CPN1: variants seen among roughly 807,000 people sequenced by gnomAD.
CPN1 encodes the protein carboxypeptidase N catalytic chain.
A neutral mutation model predicts 46.4 loss-of-function variants in CPN1; 37 were observed. The ratio of observed to expected loss-of-function variants is 0.80; its 90% confidence interval spans 0.61 to 1.05. The LOEUF is 1.05. Among genes scored for constraint, CPN1 ranks in the 50% least tolerant of loss-of-function variants. The pLI is 0.00. For synonymous variants in CPN1, 224 were observed against 235.4 expected (o/e 0.95, Z 0.44); for missense variants, 563 against 602.6 (o/e 0.93, Z 0.69).
intron 8 of CPN1, among the ~76,000 whole-genome samples, chr10:100,044,884 T>G (rs1350847270): frequency 6.6e-6 from 1 of 151,764 alleles, no homozygotes; most frequent in Non-Finnish European, 1.5e-5. Flanking sequence ...CTAATTTTTG[T>G]ATTTTGAGTA....
At chr10:100,075,842 C>G (rs2041510065) in intron 2 of CPN1, 69 bp downstream of exon 2, 1 of 1,470,290 alleles carries the variant, frequency 6.8e-7, no homozygotes, top group Middle Eastern at 2.3e-4. Flanking sequence ...GAGAGGGAAT[C>G]TTGTCCACTG....
At chr10:100,056,013 C>T (rs1408166260) in intron 6 of CPN1, among the ~76,000 whole-genome samples, 1 of 152,128 alleles carries the variant, frequency 6.6e-6, no homozygotes, top group East Asian at 1.9e-4. Context: ...AATATATACC[C>T]AAAAGTGGCA....
chr10:100,051,566 C>T (rs1269009570), intron 7 of CPN1, among the ~76,000 whole-genome samples: 2 of 151,484 alleles, frequency 1.3e-5, no homozygotes, highest in South Asian at 2.1e-4. Context: ...CTTGCTCTGT[C>T]GCCCAGGCTG....
At chr10:100,072,140 A>G (rs895539411) in intron 2 of CPN1, among the ~76,000 whole-genome samples, 2 of 152,142 alleles carry the variant, frequency 1.3e-5, no homozygotes, top group African/African-American at 4.8e-5. Context: ...CTGCCGAGTC[A>G]TAAGCTAAGT....
chr10:100,050,275 C>T (rs1256145027), intron 7 of CPN1, among the ~76,000 whole-genome samples: 3 of 152,034 alleles, frequency 2.0e-5, no homozygotes, highest in Non-Finnish European at 4.4e-5. Context: ...AATTGCTGGA[C>T]CGTGAGAGGT....
At chr10:100,045,276 T>A (rs368066791) in intron 8 of CPN1, among the ~76,000 whole-genome samples, 1 of 152,194 alleles carries the variant, frequency 6.6e-6, no homozygotes. Flanking sequence ...TTGTTTGAAT[T>A]TGGCGTTGAA....
At chr10:100,051,447 T>C (rs764227609) in intron 7 of CPN1, among the ~76,000 whole-genome samples, 49 of 152,160 alleles carry the variant, frequency 3.2e-4, no homozygotes, top group Non-Finnish European at 8.8e-5. Context: ...TTCAGCTAGC[T>C]TTCTCTCTCA....
chr10:100,063,745 AAAACGACC>A lies in CPN1; in HGVS notation c.760-28_760-21del, dbSNP rs1303048865. 1 of 1,586,466 alleles carries A rather than the reference AAAACGACC, an allele frequency of 6.3e-7. No individual in the cohort carries two copies. Among genetic ancestry groups the A allele is most frequent in the Non-Finnish European group, 8.7e-7 (1 of 1,155,104 alleles). Reference sequence around the variant, plus strand: ...GGCCAGCTAGAGGAAAAGCAGGAGGAAAACGACCTTGATGATTCCCAACTCAAATGGCA... The same window carrying A: ...GGCCAGCTAGAGGAAAAGCAGGAGGATTGATGATTCCCAACTCAAATGGCA... On this transcript the variant is annotated intron_variant, in intron 4 of 8. Coordinates refer to ENST00000370418, the MANE Select transcript of CPN1 (RefSeq NM_001308.3).
At chr10:100,069,996 TA>T (rs959229317) in intron 2 of CPN1, 127 bp from the exon 3 acceptor site, 8 of 1,041,546 alleles carry the variant, frequency 7.7e-6, no homozygotes, top group Admixed American at 6.0e-5. Flanking sequence ...AATCTTGGCT[TA>T]CTGCAACCTC....
intron 8 of CPN1, among the ~76,000 whole-genome samples, chr10:100,047,928 G>A (rs1393439854): frequency 6.6e-6 from 1 of 152,118 alleles, no homozygotes; most frequent in Non-Finnish European, 1.5e-5. Context: ...GGAGGCGGGT[G>A]TTGCGGTGAG....
In CPN1 at chr10:100,069,718, C is replaced by T. The variant is rs769358427; in HGVS notation, c.572G>A (p.Ser191Asn). 6.2e-7 allele frequency: 1 copy of T among 1,613,934 alleles called. No individual in the cohort carries two copies. The highest frequency in any genetic ancestry group is 8.5e-7 in the Non-Finnish European group (1 of 1,180,002). The change falls in exon 3 of 9, where the codon AGT becomes AAT. Residue 191 changes from serine to asparagine, a missense_variant. Coordinates refer to ENST00000370418, the MANE Select transcript of CPN1 (RefSeq NM_001308.3). Reference protein sequence around the residue: ...HHLPLPDNWKSQVEPETRAVI... With the variant: ...HHLPLPDNWKNQVEPETRAVI... ...TTTGCAAATTTCATCTCCTACCTGA[C>T]TTTTCCAGTTGTCTGGAAGGGGCAG...
At position 100,073,801 on chromosome 10, in the gene CPN1, G is replaced by C. The variant is rs568173325; in HGVS notation, c.420+2110C>G. ...TGGCTAATTTTGTATTTTTAGTAGA[G>C]ACAGGGTTTCTCCATGTTGGTCAGG... On this transcript the variant is annotated intron_variant, in intron 2 of 8. Coordinates refer to ENST00000370418, the MANE Select transcript of CPN1 (RefSeq NM_001308.3). 2.0e-5 allele frequency among the ~76,000 whole-genome samples: 3 copies of C among 151,988 alleles called. No individual in the cohort carries two copies. In the South Asian group the frequency reaches 6.2e-4, roughly 32 times the overall value.
In CPN1 at chr10:100,081,393, C is replaced by G. The variant is rs1358750048; in HGVS notation, c.223+10G>C. On this transcript the variant is annotated intron_variant, in intron 1 of 8. Transcript: ENST00000370418. ...GCCCCACACACCCTCAAGAGCTGTT[C>G]AGAACTTACAGGGCTCGTGGATTCC... The G allele has an allele frequency of 6.2e-7, 1 of 1,610,210 alleles. No individual in the cohort carries two copies. Among genetic ancestry groups the G allele is most frequent in the Non-Finnish European group, 8.5e-7 (1 of 1,178,648 alleles).
Position 100,063,624 on chromosome 10 carries a change from A to AG in CPN1, c.860dup (p.Leu288SerfsTer9), listed in dbSNP as rs745400813. 4 of 1,612,920 alleles carry AG rather than the reference A, an allele frequency of 2.5e-6. No individual in the cohort carries two copies. The South Asian group carries it at 4.4e-5, about 18-fold the overall frequency. On this transcript the variant is annotated frameshift_variant, in exon 5 of 9. Transcript: ENST00000370418. LOFTEE classifies it high-confidence loss of function. ...CAGGACTCCCCTTACCCTTGCTGAG[A>AG]GAATACCAGGAAGCCCCATTGGTGA...
intron 2 of CPN1, 83 bp downstream of exon 2, chr10:100,075,828 G>T: frequency 7.5e-7 from 1 of 1,340,512 alleles, no homozygotes; most frequent in Non-Finnish European, 1.1e-6. Flanking sequence ...TTTACAGTGG[G>T]ACAGAGAGGG....
Position 100,054,400 on chromosome 10 carries a change from T to C in CPN1, c.1058A>G (p.Asn353Ser), listed in dbSNP as rs753917948. Residue 353 changes from asparagine (N) to serine (S), a missense_variant, in exon 7 of 9, where the codon AAT becomes AGT. Transcript: ENST00000370418. ...KGMVLDENYN[N>S]LANAVISVSG... The stretch of plus-strand genomic sequence containing the variant: ...GACAGAAATGACAGCATTGGCGAGA[T>C]TATTGTAATTCTCATCAAGCACCAT... 1.2e-6 allele frequency: 2 copies of C among 1,614,076 alleles called. No individual in the cohort carries two copies. Among genetic ancestry groups the C allele is most frequent in the South Asian group, 2.2e-5 (2 of 91,078 alleles).
At chr10:100,076,963 G>C (rs896489580) in intron 1 of CPN1, among the ~76,000 whole-genome samples, 2 of 152,190 alleles carry the variant, frequency 1.3e-5, no homozygotes, top group African/African-American at 4.8e-5. Context: ...GGTAAGAATT[G>C]AGGATCTGAA....
intron 1 of CPN1, among the ~76,000 whole-genome samples, chr10:100,079,327 G>A (rs2041531720): frequency 6.6e-6 from 1 of 152,238 alleles, no homozygotes; most frequent in African/African-American, 2.4e-5. Flanking sequence ...GCATATTGTA[G>A]GTGATTGGTA....
At chr10:100,044,129 T>G (rs1737809096) in intron 8 of CPN1, among the ~76,000 whole-genome samples, 1 of 152,158 alleles carries the variant, frequency 6.6e-6, no homozygotes, top group Admixed American at 6.5e-5. Context: ...TTCCTGCCCC[T>G]TCCGCAAAAA....
Sources: allele counts gnomAD v4.1 joint callset (sites outside exome capture counted in the v4.1 genomes callset), GRCh38; gene constraint gnomAD v4.1.1; transcripts MANE v1.5; gene names NCBI Gene and HGNC (gene_info 2026-07-23, HGNC 2026-07-21).